Variants in PPM1H observed in about 807,000 individuals in gnomAD.
PPM1H encodes protein phosphatase 1H.
PPM1H carries 27 observed loss-of-function variants against 54.9 expected under a neutral mutation model. That is an observed-to-expected ratio of 0.49 (90% confidence interval 0.36 to 0.68). The LOEUF (loss-of-function observed/expected upper bound fraction) is 0.68. Ranked by LOEUF, PPM1H falls within the 30% of genes least tolerant of loss-of-function variation. The probability of loss-of-function intolerance (pLI) is 0.00; values close to 1 mark genes in which losing one functional copy is unlikely to be tolerated. For missense variants in PPM1H, 596 were observed against 667.8 expected, an observed-to-expected ratio of 0.89 and a Z score of 1.19; for synonymous variants, 305 against 270.8, an observed-to-expected ratio of 1.13 and a Z score of -1.24.
intron 8 of PPM1H, among the ~76,000 whole-genome samples, chr12:62,668,574 C>G (rs546899308): frequency 6.6e-6 from 1 of 152,264 alleles, no homozygotes; most frequent in Admixed American, 6.5e-5. Flanking sequence ...TGGGGTTTTA[C>G]CAGCTGGGTC....
At chr12:62,745,407 C>T (rs1056942456) in intron 4 of PPM1H, among the ~76,000 whole-genome samples, 9 of 152,112 alleles carry the variant, frequency 5.9e-5, no homozygotes, top group Non-Finnish European at 1.2e-4. Context: ...TTACAGGAAA[C>T]GTATGCTCCT....
chr12:62,696,363 A>G (rs1278938889), intron 6 of PPM1H, among the ~76,000 whole-genome samples: 1 of 152,110 alleles, frequency 6.6e-6, no homozygotes, highest in Non-Finnish European at 1.5e-5. Context: ...AATAGAAACA[A>G]TGGTGGAAAA....
intron 7 of PPM1H, among the ~76,000 whole-genome samples, chr12:62,692,963 A>ACT (rs1555189517): frequency 1.3e-5 from 2 of 149,286 alleles, no homozygotes; most frequent in African/African-American, 2.5e-5. Context: ...ACACACACAC[A>ACT]CTCTGCCCAT....
chr12:62,906,095 C>T (rs1871295023), intron 1 of PPM1H, among the ~76,000 whole-genome samples: 1 of 152,132 alleles, frequency 6.6e-6, no homozygotes, highest in African/African-American at 2.4e-5. Flanking sequence ...TTTGATGAAG[C>T]TAGAGATGGC....
intron 4 of PPM1H, among the ~76,000 whole-genome samples, chr12:62,739,261 C>T (rs2076368519): frequency 6.6e-6 from 1 of 152,172 alleles, no homozygotes; most frequent in African/African-American, 2.4e-5. Flanking sequence ...TTACCCCACC[C>T]CCACTAAGGT....
Position 62,802,227 on chromosome 12 carries a change from G to T in PPM1H, c.412-67C>A. 3 of 1,316,328 alleles carry T rather than the reference G, an allele frequency of 2.3e-6. No homozygotes were observed. In the South Asian group the frequency reaches 4.6e-5, roughly 20 times the overall value. 81.5% of individuals were successfully genotyped at this position (1,316,328 alleles called of 1,614,324 possible). A position where few individuals can be genotyped will look rare whatever the true frequency, so the allele number is the denominator to read the frequency against. On this transcript the variant is annotated intron_variant, in intron 2 of 9. Coordinates refer to ENST00000228705, the MANE Select transcript of PPM1H (RefSeq NM_020700.2). ...ACTTTGCCTCAGGGTCATACAGATT[G>T]TGGGACATCTATGGGACTGAGGGTC...
At chr12:62,916,391 T>A (rs556218677) in intron 1 of PPM1H, among the ~76,000 whole-genome samples, 34 of 152,326 alleles carry the variant, frequency 2.2e-4, no homozygotes, top group African/African-American at 7.7e-4. Context: ...TCTTCTGTTT[T>A]GGTATCTGTC....
intron 4 of PPM1H, among the ~76,000 whole-genome samples, chr12:62,773,109 C>T (rs772654929): frequency 2.6e-5 from 4 of 152,174 alleles, no homozygotes; most frequent in Non-Finnish European, 4.4e-5. Context: ...GATGGTGCCA[C>T]TGCACCCTGG....
At chr12:62,780,489 A>G (rs1230099590) in intron 4 of PPM1H, among the ~76,000 whole-genome samples, 1 of 152,214 alleles carries the variant, frequency 6.6e-6, no homozygotes, top group African/African-American at 2.4e-5. Context: ...ATTTGTTAAT[A>G]GAGACAAGGT....
intron 1 of PPM1H, among the ~76,000 whole-genome samples, chr12:62,850,252 C>CCA (rs1427267465): frequency 6.6e-6 from 1 of 152,170 alleles, no homozygotes; most frequent in East Asian, 1.9e-4. Flanking sequence ...CAGGTGTGAG[C>CCA]CACTGTGCCT....
At chr12:62,782,458 G>T (rs1436213448) in intron 4 of PPM1H, among the ~76,000 whole-genome samples, 1 of 152,116 alleles carries the variant, frequency 6.6e-6, no homozygotes, top group Non-Finnish European at 1.5e-5. Context: ...AATAGAGAAA[G>T]CTTTAACTGT....
At chr12:62,877,386 C>G (rs940997834) in intron 1 of PPM1H, among the ~76,000 whole-genome samples, 2 of 152,168 alleles carry the variant, frequency 1.3e-5, no homozygotes, top group African/African-American at 4.8e-5. Context: ...GGCCCCTCAC[C>G]TACAGAGCAG....
At chr12:62,654,449 T>C (rs987536027) in intron 9 of PPM1H, among the ~76,000 whole-genome samples, 1 of 152,160 alleles carries the variant, frequency 6.6e-6, no homozygotes, top group Non-Finnish European at 1.5e-5. Context: ...GGCAGGCCAC[T>C]GTGCATGCAG....
At chr12:62,676,145 C>T (rs1363336962) in intron 8 of PPM1H, among the ~76,000 whole-genome samples, 1 of 152,210 alleles carries the variant, frequency 6.6e-6, no homozygotes, top group Non-Finnish European at 1.5e-5. Context: ...GTGGACTCCA[C>T]CTGGAACTGA....
chr12:62,694,022 TA>T (rs774005628), intron 6 of PPM1H, 23 bp from the exon 7 acceptor site: 6 of 1,601,736 alleles, frequency 3.7e-6, no homozygotes, highest in Middle Eastern at 1.7e-4. Flanking sequence ...AACAACATTT[TA>T]AAAAAGGTTT....
intron 2 of PPM1H, among the ~76,000 whole-genome samples, chr12:62,824,535 A>G (rs1366753332): frequency 6.6e-6 from 1 of 152,176 alleles, no homozygotes; most frequent in African/African-American, 2.4e-5. Flanking sequence ...ACAGCATGGT[A>G]CTGGTACCAA....
chr12:62,893,776 C>A (rs958069117), intron 1 of PPM1H, among the ~76,000 whole-genome samples: 7 of 152,116 alleles, frequency 4.6e-5, no homozygotes, highest in African/African-American at 1.2e-4. Flanking sequence ...TGTGAACCAC[C>A]ACACCCCGCG....
chr12:62,902,919 T>C (rs1871200452), intron 1 of PPM1H, among the ~76,000 whole-genome samples: 1 of 152,208 alleles, frequency 6.6e-6, no homozygotes, highest in Admixed American at 6.5e-5. Flanking sequence ...GCCTATCTCC[T>C]ATGGCAAATG....
intron 9 of PPM1H, among the ~76,000 whole-genome samples, chr12:62,650,615 G>A (rs779160385): frequency 1.3e-5 from 2 of 152,170 alleles, no homozygotes; most frequent in African/African-American, 4.8e-5. Context: ...AAGCAAAAGA[G>A]GTTTAATTGT....
Sources: gnomAD v4.1 joint callset for allele counts (sites outside exome capture counted in the v4.1 genomes callset) on GRCh38, gnomAD v4.1.1 for gene constraint, MANE v1.5 for transcripts, NCBI Gene and HGNC (gene_info 2026-07-23, HGNC 2026-07-21) for gene names.